Variants in LYPD5 observed in about 807,000 individuals in gnomAD.
The protein encoded by LYPD5 is ly6/PLAUR domain-containing protein 5.
In LYPD5, 21 loss-of-function variants were observed where a neutral mutation model predicts 19.1. That is an observed-to-expected ratio of 1.10 (90% confidence interval 0.78 to 1.58). The LOEUF (loss-of-function observed/expected upper bound fraction) is 1.58. LYPD5 is among the 40% of genes most tolerant of loss of function. The pLI, the probability that LYPD5 is intolerant of heterozygous loss-of-function variation, is 0.00. For missense variants in LYPD5, 287 were observed against 329.8 expected (o/e 0.87, Z 1.00); for synonymous variants, 128 against 142.7 (o/e 0.90, Z 0.74).
intron 1 of LYPD5, 86 bp from the exon 2 acceptor site, chr19:43,799,920 C>A: frequency 1.4e-6 from 2 of 1,469,452 alleles, no homozygotes; most frequent in East Asian, 2.5e-5. Flanking sequence ...ATGACAGGCA[C>A]ACGGGCCTGG....
intron 1 of LYPD5, among the ~76,000 whole-genome samples, chr19:43,801,577 AAC>A (rs1253229617): frequency 6.6e-6 from 1 of 152,226 alleles, no homozygotes; most frequent in African/African-American, 2.4e-5. Context: ...CAGATACATA[AAC>A]ACAGACACAG....
chr19:43,799,432 A>T (rs898969142), intron 2 of LYPD5, among the ~76,000 whole-genome samples: 1 of 151,946 alleles, frequency 6.6e-6, no homozygotes, highest in Non-Finnish European at 1.5e-5. Flanking sequence ...TTTAGTAGAG[A>T]CGGGGTTTTG....
At chr19:43,812,366 TATCTATCTATCAATCTATC>T (rs547286272) in intron 1 of LYPD5, among the ~76,000 whole-genome samples, 3,416 of 143,826 alleles carry the variant, frequency 0.024, 53 homozygotes, top group Admixed American at 0.055. Flanking sequence ...TCTATCTATC[TATCTATCTATCAATCTATC>T]ATCTATCTAT....
At chr19:43,814,494 A>AAAACAAAC (rs144495679) in intron 1 of LYPD5, among the ~76,000 whole-genome samples, 1 of 151,786 alleles carries the variant, frequency 6.6e-6, no homozygotes, top group African/African-American at 2.4e-5. Context: ...ACCTGTCTCT[A>AAAACAAAC]AAACAAACAA....
At chr19:43,810,040 T>C (rs1970306485) in intron 1 of LYPD5, among the ~76,000 whole-genome samples, 1 of 152,168 alleles carries the variant, frequency 6.6e-6, no homozygotes, top group South Asian at 2.1e-4. Flanking sequence ...CAACCGTCAA[T>C]AGCATGCACA....
chr19:43,800,806 C>A (rs945755390), intron 1 of LYPD5, among the ~76,000 whole-genome samples: 4 of 151,534 alleles, frequency 2.6e-5, no homozygotes, highest in African/African-American at 9.7e-5. Context: ...ACTAAAAATA[C>A]AAAAATTAGC....
chr19:43,810,800 T>C (rs1236720810), intron 1 of LYPD5, among the ~76,000 whole-genome samples: 1 of 151,832 alleles, frequency 6.6e-6, no homozygotes, highest in Non-Finnish European at 1.5e-5. Context: ...GGCTAATTCT[T>C]TGTACTTTTA....
At chr19:43,799,028 C>G in intron 2 of LYPD5, 40 bp from the exon 3 acceptor site, 1 of 1,519,470 alleles carries the variant, frequency 6.6e-7, no homozygotes, top group Non-Finnish European at 8.8e-7. Context: ...CTTCCCGAAA[C>G]CCTTCTCCCT....
intron 1 of LYPD5, 63 bp from the exon 2 acceptor site, chr19:43,799,897 C>G (rs1172634004): frequency 6.6e-7 from 1 of 1,523,680 alleles, no homozygotes; most frequent in African/African-American, 1.4e-5. Flanking sequence ...GAACTCAGAG[C>G]TCCACCCAGC....
rs1419114153 is a variant in LYPD5, at chr19:43,813,990, G to T, written c.-66+6550C>A. Among the ~76,000 whole-genome samples, 3 of 151,946 alleles carry T rather than the reference G, an allele frequency of 2.0e-5. No homozygotes were observed. The East Asian group carries it at 5.8e-4, about 29-fold the overall frequency. ...GGCATGAGCCACTGTGCCCAACCAAGGATTATTTTTAGTAGGAATTAGGAT... is the reference window on the plus strand; with the variant it reads ...GGCATGAGCCACTGTGCCCAACCAATGATTATTTTTAGTAGGAATTAGGAT... On this transcript the variant is annotated intron_variant, in intron 1 of 4. Transcript: ENST00000414615.
Position 43,802,349 on chromosome 19 carries a change from A to C in LYPD5, c.32T>G (p.Leu11Arg), listed in dbSNP as rs528086486. Residue 11 changes from leucine (L) to arginine (R), a missense_variant, in exon 1 of 5, where the codon CTC (leucine) becomes CGC (arginine). Transcript: ENST00000377950. Reference sequence around the variant, plus strand: ...GCAGAGCGCAGCCCCAAAGAGGCAGAGCAGAATGACTCTGGGGACCCCCAT... The same window carrying C: ...GCAGAGCGCAGCCCCAAAGAGGCAGCGCAGAATGACTCTGGGGACCCCCAT... MAMGVPRVIL[L>R]CLFGAALCLT... The C allele has an allele frequency of 6.4e-7, 1 of 1,551,704 alleles. No homozygotes were observed. Among genetic ancestry groups the C allele is most frequent in the African/African-American group, 1.4e-5 (1 of 73,156 alleles).
chr19:43,799,660 T>G, intron 2 of LYPD5, 46 bp downstream of exon 2: 3 of 1,569,882 alleles, frequency 1.9e-6, no homozygotes, highest in South Asian at 2.3e-5. Flanking sequence ...TCCCCCCTTT[T>G]TCCTCCCTAA....
At chr19:43,811,202 C>A (rs1970320860) in intron 1 of LYPD5, among the ~76,000 whole-genome samples, 2 of 152,026 alleles carry the variant, frequency 1.3e-5, no homozygotes, top group Admixed American at 1.3e-4. Flanking sequence ...GGGCTGGGTG[C>A]CATGGCTTAT....
In LYPD5 at chr19:43,817,987, T is replaced by C. The variant is rs1332579542; in HGVS notation, c.-66+2553A>G. Among the ~76,000 whole-genome samples, 6 of 152,304 alleles carry C rather than the reference T, an allele frequency of 3.9e-5. No homozygotes were observed. The South Asian group carries it at 6.2e-4, about 16-fold the overall frequency. On this transcript the variant is annotated intron_variant, in intron 1 of 4. Transcript: ENST00000414615. ...CCTTGGCCTCCCAAAGTGCTGGGAT[T>C]ACAGGCATGAACTACTGCGCCCAGC... is the stretch of plus-strand genomic sequence containing the variant.
At chr19:43,817,382 T>C (rs1970382933) in intron 1 of LYPD5, among the ~76,000 whole-genome samples, 1 of 152,192 alleles carries the variant, frequency 6.6e-6, no homozygotes, top group African/African-American at 2.4e-5. Flanking sequence ...TCACATTTAC[T>C]ACTGTCTCAA....
chr19:43,799,401 G>T (rs547749544), intron 2 of LYPD5, among the ~76,000 whole-genome samples: 1 of 152,070 alleles, frequency 6.6e-6, no homozygotes, highest in Middle Eastern at 3.4e-3. Context: ...CCGCCACCAC[G>T]CCCAGCTAAC....
intron 4 of LYPD5, 68 bp from the exon 5 acceptor site, chr19:43,797,897 T>A (rs2146491666): frequency 3.2e-6 from 4 of 1,258,528 alleles, no homozygotes; most frequent in South Asian, 2.6e-5. Context: ...AACCTTCACC[T>A]TGGTAGCTAG....
upstream of LYPD5, among the ~76,000 whole-genome samples, chr19:43,806,482 G>A (rs1413430704): frequency 6.6e-6 from 1 of 152,004 alleles, no homozygotes; most frequent in Non-Finnish European, 1.5e-5. Flanking sequence ...GGTCAACATG[G>A]TGAAACCCCA....
chr19:43,804,664 C>T (rs1297834528), upstream of LYPD5, among the ~76,000 whole-genome samples: 3 of 152,328 alleles, frequency 2.0e-5, no homozygotes, highest in South Asian at 2.1e-4. Context: ...TCCCATCAGG[C>T]CTCACTTCCC....
Sources: gnomAD v4.1 joint callset for allele counts (sites outside exome capture counted in the v4.1 genomes callset) on GRCh38, gnomAD v4.1.1 for gene constraint, MANE v1.5 for transcripts, NCBI Gene and HGNC (gene_info 2026-07-23, HGNC 2026-07-21) for gene names.